CEACAM4: variants seen among roughly 807,000 people sequenced by gnomAD.
CEACAM4 encodes cell adhesion molecule CEACAM4.
A neutral mutation model predicts 28.7 loss-of-function variants in CEACAM4; 30 were observed. The observed-to-expected ratio is 1.05, with a 90% CI of 0.78 to 1.42. The LOEUF is 1.42. CEACAM4 is among the 40% of genes most tolerant of loss of function. CEACAM4 has a pLI of 0.00. For missense variants in CEACAM4, 330 were observed against 308.2 expected (o/e 1.07, Z -0.53); for synonymous variants, 143 against 126.5 (o/e 1.13, Z -0.87).
At chr19:41,622,950 C>A (rs889055304) in intron 2 of CEACAM4, among the ~76,000 whole-genome samples, 1 of 152,142 alleles carries the variant, frequency 6.6e-6, no homozygotes, top group Non-Finnish European at 1.5e-5. Flanking sequence ...CTGCTCACAG[C>A]ATCCGTCTGT....
At chr19:41,620,364 A>G (rs1306368455) in intron 4 of CEACAM4, 122 bp from the exon 5 acceptor site, 20 of 1,013,464 alleles carry the variant, frequency 2.0e-5, no homozygotes, top group African/African-American at 3.3e-5. Context: ...CCCAGGGGAG[A>G]CCTGAGCAGC....
downstream of CEACAM4, among the ~76,000 whole-genome samples, chr19:41,615,105 G>A (rs2070969831): frequency 6.6e-6 from 1 of 152,130 alleles, no homozygotes. Context: ...GGGGAGCAGT[G>A]GATCTAGGGG....
Position 41,621,767 on chromosome 19 carries a change from T to C in CEACAM4, c.426A>G (p.Gln142=). ...DQATGQLHVH[Q]NNVPGLPVGA... is the part of the protein sequence containing the mutation. ...CCACAGGAAGGCCTGGGACGTTGTTTTCTGCAGAAAGGGGAAGGCAAAGGG... is the reference window on the plus strand; with the variant it reads ...CCACAGGAAGGCCTGGGACGTTGTTCTCTGCAGAAAGGGGAAGGCAAAGGG... The change falls in exon 3 of 7, where the codon CAA becomes CAG. Residue 142 remains glutamine (Q), a splice_region_variant and synonymous_variant. Coordinates refer to ENST00000221954, the MANE Select transcript of CEACAM4 (RefSeq NM_001817.4). 1 of 1,596,544 alleles carries C rather than the reference T, an allele frequency of 6.3e-7. No individual in the cohort carries two copies. The highest frequency in any genetic ancestry group is 1.3e-5 in the African/African-American group (1 of 74,544).
At chr19:41,622,049 A>C in intron 2 of CEACAM4, among the ~76,000 whole-genome samples, 1 of 150,124 alleles carries the variant, frequency 6.7e-6, no homozygotes, top group African/African-American at 2.4e-5. Context: ...TCTTCCTCTC[A>C]TGTCACACCT....
downstream of CEACAM4, among the ~76,000 whole-genome samples, chr19:41,614,720 C>G (rs981049851): frequency 6.6e-6 from 1 of 152,176 alleles, no homozygotes; most frequent in African/African-American, 2.4e-5. Flanking sequence ...GGTGACACAC[C>G]TGAACACAGG....
intron 2 of CEACAM4, among the ~76,000 whole-genome samples, chr19:41,624,904 T>G (rs781928177): frequency 6.6e-6 from 1 of 152,200 alleles, no homozygotes; most frequent in East Asian, 1.9e-4. Context: ...CCCCTGGGCA[T>G]GATCCCCGGT....
chr19:41,619,073 G>T lies in CEACAM4; in HGVS notation c.*257C>A. 1.9e-6 allele frequency: 1 copy of T among 524,422 alleles called. No homozygotes were observed. Among genetic ancestry groups the T allele is most frequent in the South Asian group, 3.0e-5 (1 of 33,888 alleles). The allele number at this position is 524,422 out of a possible 1,614,324, so 32.5% of individuals were successfully genotyped here. On this transcript the variant is annotated 3_prime_UTR_variant, in exon 7 of 7. Transcript: ENST00000221954. ...CCTGGTGACCCCGGGTGGGCCACAG[G>T]CCCATTCACTTTCCTTGCAAGCCCC...
chr19:41,620,255 A>C lies in CEACAM4; in HGVS notation c.596-13T>G. On this transcript the variant is annotated splice_polypyrimidine_tract_variant and intron_variant, in intron 4 of 6. Coordinates refer to ENST00000221954, the MANE Select transcript of CEACAM4 (RefSeq NM_001817.4). The stretch of plus-strand genomic sequence containing the variant: ...GAGGGACCATGGCCTGGGGACAGAG[A>C]CAGGAGTGAGCAGCAGGGTGGGAGG... The C allele has an allele frequency of 6.8e-7, 1 of 1,472,308 alleles. No individual in the cohort carries two copies. Among genetic ancestry groups the C allele is most frequent in the Non-Finnish European group, 9.0e-7 (1 of 1,115,742 alleles). The allele number at this position is 1,472,308 out of a possible 1,614,324, so 91.2% of individuals were successfully genotyped here.
intron 5 of CEACAM4, 142 bp downstream of exon 5, chr19:41,620,069 C>A (rs1315947918): frequency 2.6e-6 from 2 of 764,716 alleles, no homozygotes; most frequent in Non-Finnish European, 4.0e-6. Context: ...AGGCCCGGAT[C>A]CTGGCCGGAG....
At chr19:41,619,635 C>A (rs1157793221) in intron 6 of CEACAM4, 35 bp downstream of exon 6, 3 of 1,579,962 alleles carry the variant, frequency 1.9e-6, no homozygotes, top group Non-Finnish European at 2.6e-6. Context: ...TCCCCTGGAG[C>A]CTGCGGGACC....
chr19:41,625,419 G>A, intron 2 of CEACAM4, 182 bp downstream of exon 2: 1 of 759,996 alleles, frequency 1.3e-6, no homozygotes, highest in East Asian at 2.6e-5. Context: ...GGGCCTGGAT[G>A]CAGGAAAGGA....
Position 41,625,774 on chromosome 19 carries a change from G to A in CEACAM4, c.251C>T (p.Thr84Ile). The A allele has an allele frequency of 1.9e-6, 3 of 1,613,980 alleles. No homozygotes were observed. The highest frequency in any genetic ancestry group is 2.5e-6 in the Non-Finnish European group (3 of 1,179,936). The change falls in exon 2 of 7, where the codon ACA (threonine) becomes ATA (isoleucine). Residue 84 changes from threonine (T) to isoleucine (I), a missense_variant. Thr to Ile is a moderately conservative substitution (Grantham distance 89). Coordinates refer to ENST00000221954, the MANE Select transcript of CEACAM4 (RefSeq NM_001817.4). ...CCCTGGGATATTTGCTTGAATGTCTGTTATATAACCAGCAATGAGAGGGCT... is the reference window on the plus strand; with the variant it reads ...CCCTGGGATATTTGCTTGAATGTCTATTATATAACCAGCAATGAGAGGGCT... ...EGSPLIAGYI[T>I]DIQANIPGAA... is the part of the protein sequence containing the mutation.
downstream of CEACAM4, among the ~76,000 whole-genome samples, chr19:41,615,517 C>A (rs2070974048): frequency 6.6e-6 from 1 of 151,986 alleles, no homozygotes; most frequent in African/African-American, 2.4e-5. Context: ...GGCATGGACC[C>A]AGGTATTCAG....
chr19:41,619,847 C>A, intron 5 of CEACAM4, 136 bp from the exon 6 acceptor site: 1 of 760,440 alleles, frequency 1.3e-6, no homozygotes, highest in Non-Finnish European at 2.1e-6. Flanking sequence ...TCAGGATTGA[C>A]CAGCTCTGCC....
At chr19:41,615,641 G>C (rs2070974776), downstream of CEACAM4, among the ~76,000 whole-genome samples, 1 of 152,098 alleles carries the variant, frequency 6.6e-6, no homozygotes, top group South Asian at 2.1e-4. Context: ...TACCTGTCAG[G>C]AGCCATGCCT....
chr19:41,626,099 T>TCCCTG, intron 1 of CEACAM4, 139 bp from the exon 2 acceptor site: 9 of 620,312 alleles, frequency 1.5e-5, no homozygotes, highest in South Asian at 2.1e-5. Context: ...TGTGTGTGTG[T>TCCCTG]GTGTGTGTGT....
intron 2 of CEACAM4, among the ~76,000 whole-genome samples, chr19:41,624,138 C>T (rs2071488456): frequency 6.6e-6 from 1 of 152,104 alleles, no homozygotes; most frequent in Admixed American, 6.5e-5. Context: ...TACATTCAAT[C>T]CCTCCCTCCT....
At chr19:41,618,000 A>AACCTGTGGCAGTGGCAGAACACTCTTGGG (rs11269095), downstream of CEACAM4, among the ~76,000 whole-genome samples, 35,773 of 151,224 alleles carry the variant, frequency 0.24, 4,609 homozygotes, top group Middle Eastern at 0.33. Flanking sequence ...CAGGACGAAC[A>AACCTGTGGCAGTGGCAGAACACTCTTGGG]ACCTGTGGCA....
At chr19:41,619,895 A>G (rs2071155794) in intron 5 of CEACAM4, among the ~76,000 whole-genome samples, 184 bp from the exon 6 acceptor site, 2 of 151,388 alleles carry the variant, frequency 1.3e-5, no homozygotes, top group African/African-American at 4.9e-5. Context: ...CAACACCCTG[A>G]CCCCTGTCCT....
Sources: gnomAD v4.1 joint callset for allele counts (sites outside exome capture counted in the v4.1 genomes callset) on GRCh38, gnomAD v4.1.1 for gene constraint, MANE v1.5 for transcripts, NCBI Gene and HGNC (gene_info 2026-07-23, HGNC 2026-07-21) for gene names.